The following NRCAM variants were observed in gnomAD, a reference collection of about 807,000 sequenced individuals.
NRCAM encodes the protein NgCAM-related cell adhesion molecule.
NRCAM carries 83 observed loss-of-function variants against 156.5 expected under a neutral mutation model. The ratio of observed to expected loss-of-function variants is 0.53; its 90% CI spans 0.44 to 0.64. The LOEUF is 0.64. NRCAM is among the 30% of genes least tolerant of loss of function. NRCAM has a pLI of 0.00. For synonymous variants in NRCAM, 538 were observed against 563.9 expected, an observed-to-expected ratio of 0.95 and a Z score of 0.65; for missense variants, 1,417 against 1,597.3, an observed-to-expected ratio of 0.89 and a Z score of 1.92.
At chr7:108,448,245 A>T (rs1377470137) in intron 1 of NRCAM, among the ~76,000 whole-genome samples, 1 of 152,224 alleles carries the variant, frequency 6.6e-6, no homozygotes, top group Non-Finnish European at 1.5e-5. Flanking sequence ...AATCATTCTG[A>T]AGTAAATTAG....
rs1398351613 is a variant in NRCAM at position 108,148,603 on chromosome 7, G to A, written c.*1307C>T. On this transcript the variant is annotated 3_prime_UTR_variant, in exon 33 of 33. Coordinates refer to ENST00000379028, the MANE Select transcript of NRCAM (RefSeq NM_001037132.4). ...ATCCCTTGGACCGTTGGCCTTTTAA[G>A]CACTTGCCTGATTTCTTAGATTCTG... 6.6e-6 allele frequency: 1 copy of A among 152,584 alleles called. No homozygotes were observed. The highest frequency in any genetic ancestry group is 2.4e-5 in the African/African-American group (1 of 41,434). 9.5% of individuals were successfully genotyped at this position (152,584 alleles called of 1,614,324 possible).
At chr7:108,169,990 C>T (rs1348150675) in intron 28 of NRCAM, among the ~76,000 whole-genome samples, 1 of 152,084 alleles carries the variant, frequency 6.6e-6, no homozygotes, top group Non-Finnish European at 1.5e-5. Flanking sequence ...TATGGGTGCT[C>T]CCTTCTCAGA....
chr7:108,246,440 A>C (rs1029278701), intron 3 of NRCAM, among the ~76,000 whole-genome samples: 1 of 152,142 alleles, frequency 6.6e-6, no homozygotes, highest in Non-Finnish European at 1.5e-5. Context: ...AGACAGAGAG[A>C]GAGTGAGTCA....
Position 108,194,161 on chromosome 7 carries a change from C to G in NRCAM, c.1641G>C (p.Trp547Cys), listed in dbSNP as rs2073618360. ...CTGCATATTCGGGCTGTTTAACGAT[C>G]CATGTAGGATCTGAAATGTAGAGTC... ...EVHLEIKDPT[W>C]IVKQPEYAVV... The change falls in exon 17 of 33, where the codon TGG becomes TGC. Residue 547 changes from tryptophan (W) to cysteine (C), a missense_variant. By Grantham distance (215) the Trp-to-Cys change is radical. Around this residue, in one of 2 missense-constraint regions of NRCAM, gnomAD observed 1,238 missense variants for 1,336.4 expected, o/e 0.93. Coordinates refer to ENST00000379028, the MANE Select transcript of NRCAM (RefSeq NM_001037132.4). The G allele has an allele frequency of 1.2e-6, 2 of 1,613,998 alleles. No homozygotes were observed. Among genetic ancestry groups the G allele is most frequent in the African/African-American group, 2.7e-5 (2 of 75,058 alleles).
intron 3 of NRCAM, among the ~76,000 whole-genome samples, chr7:108,306,205 G>A (rs139272080): frequency 1.3e-3 from 196 of 152,174 alleles, no homozygotes; most frequent in African/African-American, 4.5e-3. Flanking sequence ...ATATCAAAAT[G>A]CCATCCTTCA....
intron 2 of NRCAM, among the ~76,000 whole-genome samples, chr7:108,352,887 C>T (rs2099429081): frequency 6.6e-6 from 1 of 152,162 alleles, no homozygotes; most frequent in Admixed American, 6.5e-5. Context: ...AACCCTAACA[C>T]TCACCAATAC....
chr7:108,387,924 T>C (rs1313929298), intron 2 of NRCAM, among the ~76,000 whole-genome samples: 1 of 152,194 alleles, frequency 6.6e-6, no homozygotes, highest in Non-Finnish European at 1.5e-5. Flanking sequence ...TTCCATGGTG[T>C]ATATGTGCCA....
intron 22 of NRCAM, among the ~76,000 whole-genome samples, chr7:108,183,477 G>A (rs530770093): frequency 9.2e-5 from 14 of 151,916 alleles, no homozygotes; most frequent in South Asian, 6.3e-4. Flanking sequence ...ACACAGATAA[G>A]CTTTCCCCAC....
At chr7:108,228,612 A>T (rs937811533) in intron 8 of NRCAM, among the ~76,000 whole-genome samples, 1 of 152,222 alleles carries the variant, frequency 6.6e-6, no homozygotes, top group African/African-American at 2.4e-5. Flanking sequence ...GAAAGGTCAG[A>T]TGCTTCACCA....
intron 3 of NRCAM, among the ~76,000 whole-genome samples, chr7:108,247,083 T>C (rs371170048): frequency 1.3e-5 from 2 of 152,116 alleles, no homozygotes; most frequent in East Asian, 1.9e-4. Context: ...TCCTGGACTC[T>C]CTGGCCCCAG....
intron 2 of NRCAM, among the ~76,000 whole-genome samples, chr7:108,314,726 G>A (rs1469056729): frequency 6.6e-6 from 1 of 152,000 alleles, no homozygotes; most frequent in East Asian, 1.9e-4. Flanking sequence ...ACATTTTTTT[G>A]CTGGACTTTT....
chr7:108,341,028 G>T (rs2099270335), intron 2 of NRCAM, among the ~76,000 whole-genome samples: 1 of 152,234 alleles, frequency 6.6e-6, no homozygotes, highest in Admixed American at 6.5e-5. Flanking sequence ...CTGGAACACG[G>T]AAAGGCTGGG....
intron 3 of NRCAM, among the ~76,000 whole-genome samples, chr7:108,253,627 G>T (rs2096485247): frequency 6.6e-6 from 1 of 152,238 alleles, no homozygotes; most frequent in South Asian, 2.1e-4. Flanking sequence ...GCCAAGCTGG[G>T]TAAGTGAGTT....
chr7:108,322,036 T>C (rs958821676), intron 2 of NRCAM, among the ~76,000 whole-genome samples: 1 of 152,210 alleles, frequency 6.6e-6, no homozygotes, highest in Non-Finnish European at 1.5e-5. Context: ...ATTAGAATTA[T>C]AACTTGGCTG....
chr7:108,383,194 C>T (rs773118744), intron 2 of NRCAM, among the ~76,000 whole-genome samples: 1 of 152,086 alleles, frequency 6.6e-6, no homozygotes, highest in Non-Finnish European at 1.5e-5. Flanking sequence ...TCTAAAGTCA[C>T]TCCTGTCTGG....
At chr7:108,181,446 C>T (rs2063421905) in intron 24 of NRCAM, among the ~76,000 whole-genome samples, 1 of 152,080 alleles carries the variant, frequency 6.6e-6, no homozygotes, top group South Asian at 2.1e-4. Context: ...TTAAAAATGC[C>T]TAAATGATTA....
intron 32 of NRCAM, chr7:108,156,249 T>G (rs1181864472): frequency 1.0e-6 from 1 of 975,076 alleles, no homozygotes; most frequent in East Asian, 1.1e-4. Flanking sequence ...CATGTTCACA[T>G]GAATGACAAG....
intron 1 of NRCAM, among the ~76,000 whole-genome samples, chr7:108,454,982 C>T (rs1385104498): frequency 6.6e-6 from 1 of 152,212 alleles, no homozygotes; most frequent in Non-Finnish European, 1.5e-5. Flanking sequence ...AACGCCACCG[C>T]TCGGCGCCCT....
At chr7:108,374,109 C>A (rs913741415) in intron 2 of NRCAM, among the ~76,000 whole-genome samples, 3 of 152,092 alleles carry the variant, frequency 2.0e-5, no homozygotes, top group African/African-American at 7.2e-5. Context: ...AAGCCTCCTA[C>A]TGACATAACC....
Sources: gnomAD v4.1 joint callset for allele counts (sites outside exome capture counted in the v4.1 genomes callset) on GRCh38, gnomAD v4.1.1 for gene constraint, gnomAD v4.1.1 regional missense constraint, MANE v1.5 for transcripts, NCBI Gene and HGNC (gene_info 2026-07-23, HGNC 2026-07-21) for gene names.